Variants in FBLN1 observed in about 807,000 individuals in gnomAD.
The protein encoded by FBLN1 is fibulin 1, also known as fibulin-1.
A neutral mutation model predicts 89.7 loss-of-function variants in FBLN1; 34 were observed. The ratio of observed to expected loss-of-function variants is 0.38; its 90% CI spans 0.29 to 0.50. The LOEUF (loss-of-function observed/expected upper bound fraction) is 0.50. FBLN1 is among the 20% of genes least tolerant of loss of function. The pLI is 0.92. For synonymous variants in FBLN1, 393 were observed against 391.3 expected, an observed-to-expected ratio of 1.00 and a Z score of -0.05; for missense variants, 777 against 988.1, an observed-to-expected ratio of 0.79 and a Z score of 2.86.
chr22:45,533,296 C>A (rs1044447929), intron 6 of FBLN1, 132 bp downstream of exon 6: 1 of 836,366 alleles, frequency 1.2e-6, no homozygotes, highest in Admixed American at 2.0e-5. Flanking sequence ...GCCCAGGACG[C>A]GCTTTCTCGT....
rs956947495 is a variant in FBLN1, at chr22:45,597,532, A to G, written c.1973-2775A>G. 1.3e-5 allele frequency among the ~76,000 whole-genome samples: 2 copies of G among 152,076 alleles called. No individual in the cohort carries two copies. The highest frequency in any genetic ancestry group is 4.8e-5 in the African/African-American group (2 of 41,400). The stretch of plus-strand genomic sequence containing the variant: ...CTGGGGAGAGAAAAATATGACATAC[A>G]GGGGGCCCACGGGGGTACGTTAGGT... On this transcript the variant is annotated intron_variant, in intron 16 of 16. Transcript: ENST00000327858. This position sits in a 1 kb window ranked among gnomAD's most constrained non-coding sequence, Gnocchi z 4.2.
rs753079783 is a variant in FBLN1, at chr22:45,590,440, C to A, written c.1973-9867C>A. On this transcript the variant is annotated intron_variant, in intron 16 of 16. Coordinates refer to ENST00000327858, the MANE Select transcript of FBLN1 (RefSeq NM_006486.3). The surrounding 1 kb of genome is among the most constrained non-coding windows in gnomAD (Gnocchi z 4.1). ...CTGGGGCAGTGTGCTGAGAGCTGGG[C>A]TGGACGGGGCCGTGGGCCTCAGCAA... 6.6e-6 allele frequency among the ~76,000 whole-genome samples: 1 copy of A among 152,198 alleles called. No homozygotes were observed. The highest frequency in any genetic ancestry group is 1.5e-5 in the Non-Finnish European group (1 of 68,034).
chr22:45,529,952 C>G (rs1326099896), intron 4 of FBLN1, among the ~76,000 whole-genome samples: 5 of 152,166 alleles, frequency 3.3e-5, no homozygotes, highest in African/African-American at 7.2e-5. Context: ...GTCTCTAAGT[C>G]AAGGTAATGG....
At chr22:45,521,324 G>A (rs531859431) in intron 2 of FBLN1, among the ~76,000 whole-genome samples, 1 of 152,310 alleles carries the variant, frequency 6.6e-6, no homozygotes, top group South Asian at 2.1e-4. Flanking sequence ...TGAAACACGT[G>A]GCTCAATGCC....
intron 16 of FBLN1, among the ~76,000 whole-genome samples, chr22:45,582,946 G>C (rs981637924): frequency 3.3e-5 from 5 of 152,156 alleles, no homozygotes; most frequent in Admixed American, 6.5e-5. Context: ...AGGCTGCCCT[G>C]GGCCTAGGGA....
chr22:45,525,806 G>C (rs2088319374), intron 3 of FBLN1, 128 bp downstream of exon 3: 2 of 1,259,454 alleles, frequency 1.6e-6, no homozygotes, highest in African/African-American at 1.5e-5. Context: ...TGAGCAGCTG[G>C]GGGTTCCTGG....
rs762848976 is a variant in FBLN1, at chr22:45,565,986, C to T, written c.1698-8525C>T. The stretch of plus-strand genomic sequence containing the variant: ...CTGAGGCAGGAGAGTCGCTTGAGCC[C>T]AGGAGGCAGAGATTGCAGTGAGCTG... On this transcript the variant is annotated intron_variant, in intron 14 of 16. Transcript: ENST00000327858. 4.4e-4 allele frequency: 68 copies of T among 154,026 alleles called. 2 individuals are homozygous for T. In the Middle Eastern group the frequency reaches 0.024, roughly 54 times the overall value. 9.5% of individuals were successfully genotyped at this position (154,026 alleles called of 1,614,324 possible).
chr22:45,537,161 C>T lies in FBLN1; in HGVS notation c.922+1824C>T, dbSNP rs924883238. On this transcript the variant is annotated intron_variant, in intron 8 of 16. Coordinates refer to ENST00000327858, the MANE Select transcript of FBLN1 (RefSeq NM_006486.3). This position sits in a 1 kb window ranked among gnomAD's most constrained non-coding sequence, Gnocchi z 5.7. ...CAGAACCTCCCCACCTGGGGTGGCC[C>T]CATCACCTCTCCCCTGCCATGAGCA... Among the ~76,000 whole-genome samples the T allele has an allele frequency of 2.0e-5, 3 of 152,224 alleles. No homozygotes were observed. The highest frequency in any genetic ancestry group is 7.2e-5 in the African/African-American group (3 of 41,446).
intron 9 of FBLN1, 88 bp from the exon 10 acceptor site, chr22:45,542,066 GT>G: frequency 1.3e-6 from 2 of 1,589,000 alleles, no homozygotes; most frequent in Non-Finnish European, 1.7e-6. Context: ...ATGTCCATGT[GT>G]TCCTTTCTTG....
At position 45,531,397 on chromosome 22, in the gene FBLN1, G is replaced by C; in HGVS notation, c.544+73G>C. ...GGGGCCAGCAAGGTGGCTCAGGCCT[G>C]TAATCCTAGTACTTTGGGAAGCCAA... On this transcript the variant is annotated intron_variant, in intron 5 of 16. Coordinates refer to ENST00000327858, the MANE Select transcript of FBLN1 (RefSeq NM_006486.3). This position sits in a 1 kb window ranked among gnomAD's most constrained non-coding sequence, Gnocchi z 4.9. 7.6e-7 allele frequency: 1 copy of C among 1,318,950 alleles called. No homozygotes were observed. 81.7% of individuals were successfully genotyped at this position (1,318,950 alleles called of 1,614,324 possible).
chr22:45,595,817 T>G, intron 16 of FBLN1, among the ~76,000 whole-genome samples: 1 of 152,306 alleles, frequency 6.6e-6, no homozygotes, highest in African/African-American at 2.4e-5. Context: ...AAGGATGACA[T>G]CGAGTTTGAT....
At position 45,531,694 on chromosome 22, in the gene FBLN1, C is replaced by T. The variant is rs529913670; in HGVS notation, c.544+370C>T. 2.6e-5 allele frequency among the ~76,000 whole-genome samples: 4 copies of T among 152,334 alleles called. No individual in the cohort carries two copies. In the South Asian group the frequency reaches 8.3e-4, roughly 32 times the overall value. Reference sequence around the variant, plus strand: ...TCGTGGACTCCCAGCTCCTCCTTCCCTTTCCCCTTCCAGATCTAGGGCTGG... The same window carrying T: ...TCGTGGACTCCCAGCTCCTCCTTCCTTTTCCCCTTCCAGATCTAGGGCTGG... On this transcript the variant is annotated intron_variant, in intron 5 of 16. Transcript: ENST00000327858. This position sits in a 1 kb window ranked among gnomAD's most constrained non-coding sequence, Gnocchi z 4.9.
Position 45,577,135 on chromosome 22 carries a change from T to G in FBLN1, c.1972+27T>G. ...TGAGTGGCTGGGAATATCAGCTCTA[T>G]CCAGGCACCCCTCCCCCTCCACCCC... On this transcript the variant is annotated intron_variant, in intron 16 of 16. Transcript: ENST00000327858. The surrounding 1 kb of genome is among the most constrained non-coding windows in gnomAD (Gnocchi z 6.6). 1.9e-6 allele frequency: 3 copies of G among 1,613,192 alleles called. No homozygotes were observed. The highest frequency in any genetic ancestry group is 2.5e-6 in the Non-Finnish European group (3 of 1,179,764).
chr22:45,516,385 C>T lies in FBLN1; in HGVS notation c.80-2297C>T, dbSNP rs554088679. 7.2e-5 allele frequency among the ~76,000 whole-genome samples: 11 copies of T among 152,306 alleles called. No homozygotes were observed. The East Asian group carries it at 2.1e-3, about 29-fold the overall frequency. ...ATGGCTGGATCACATCCTGTTCATCCAGGAGTGCACCACGGCCTGTCTCGT... is the reference window on the plus strand; with the variant it reads ...ATGGCTGGATCACATCCTGTTCATCTAGGAGTGCACCACGGCCTGTCTCGT... On this transcript the variant is annotated intron_variant, in intron 1 of 16. Transcript: ENST00000327858.
At chr22:45,534,122 A>T (rs761009197) in intron 7 of FBLN1, among the ~76,000 whole-genome samples, 21 of 152,132 alleles carry the variant, frequency 1.4e-4, no homozygotes, top group Non-Finnish European at 1.9e-4. Context: ...AGAACATTGA[A>T]AAAGTTGACA....
chr22:45,583,259 C>T lies in FBLN1; in HGVS notation c.1972+6151C>T, dbSNP rs1418105802. Among the ~76,000 whole-genome samples, 2 of 152,168 alleles carry T rather than the reference C, an allele frequency of 1.3e-5. No individual in the cohort carries two copies. Among genetic ancestry groups the T allele is most frequent in the African/African-American group, 4.8e-5 (2 of 41,442 alleles). On this transcript the variant is annotated intron_variant, in intron 16 of 16. Transcript: ENST00000327858. The surrounding 1 kb of genome is among the most constrained non-coding windows in gnomAD (Gnocchi z 4.5). ...CCAGGCAGCTCTAAGGGCTCAGCTG[C>T]TGCAGGATTCCTTAGAGAAGCTGAA...
chr22:45,535,180 C>T lies in FBLN1; in HGVS notation c.785-20C>T. On this transcript the variant is annotated intron_variant, in intron 7 of 16. Coordinates refer to ENST00000327858, the MANE Select transcript of FBLN1 (RefSeq NM_006486.3). ...TGGCAGGACTCTTGCTAACAATTTC[C>T]TTTTTTTATGATGTACCAGATATTG... 3 of 1,613,912 alleles carry T rather than the reference C, an allele frequency of 1.9e-6. No individual in the cohort carries two copies. The highest frequency in any genetic ancestry group is 2.5e-6 in the Non-Finnish European group (3 of 1,179,884).
intron 1 of FBLN1, among the ~76,000 whole-genome samples, chr22:45,516,172 G>A (rs1391771629): frequency 6.6e-6 from 1 of 152,118 alleles, no homozygotes; most frequent in Non-Finnish European, 1.5e-5. Context: ...GATAGGAGAC[G>A]GGCTGTGGAA....
chr22:45,593,791 T>C (rs1361880600), intron 16 of FBLN1, among the ~76,000 whole-genome samples: 3 of 152,222 alleles, frequency 2.0e-5, no homozygotes, highest in Non-Finnish European at 4.4e-5. Flanking sequence ...ATTTTCCTTC[T>C]TCCTTCTCTC....
Sources: allele counts gnomAD v4.1 joint callset (sites outside exome capture counted in the v4.1 genomes callset), GRCh38; gene constraint gnomAD v4.1.1; non-coding constraint Gnocchi (gnomAD v3.1); transcripts MANE v1.5; gene names NCBI Gene and HGNC (gene_info 2026-07-23, HGNC 2026-07-21).